Variants in XPNPEP3 observed in about 807,000 individuals in gnomAD.
XPNPEP3 encodes the protein xaa-Pro aminopeptidase 3.
Under a neutral mutation model 60.0 loss-of-function variants are expected in XPNPEP3, and 41 were observed. The observed-to-expected ratio is 0.68, with a 90% confidence interval of 0.53 to 0.89. XPNPEP3 has a LOEUF of 0.89. Among genes scored for constraint, XPNPEP3 ranks in the 40% least tolerant of loss-of-function variants. The pLI is 0.00. For missense variants in XPNPEP3, 598 were observed against 638.9 expected (o/e 0.94, Z 0.69); for synonymous variants, 212 against 223.2 (o/e 0.95, Z 0.45).
chr22:40,906,251 A>C (rs1182519303), intron 4 of XPNPEP3, among the ~76,000 whole-genome samples: 1 of 151,902 alleles, frequency 6.6e-6, no homozygotes, highest in Non-Finnish European at 1.5e-5. Flanking sequence ...AAAACATTAA[A>C]AATTATGAAA....
chr22:40,864,318 G>T (rs943857289), intron 1 of XPNPEP3, among the ~76,000 whole-genome samples: 1 of 152,204 alleles, frequency 6.6e-6, no homozygotes, highest in African/African-American at 2.4e-5. Context: ...CTTAGTTTTA[G>T]TGGGGTTTGG....
intron 2 of XPNPEP3, among the ~76,000 whole-genome samples, chr22:40,869,844 A>G (rs956250534): frequency 6.6e-6 from 1 of 152,246 alleles, no homozygotes; most frequent in South Asian, 2.1e-4. Flanking sequence ...AAGCAAACAC[A>G]TTGTAGAAAA....
chr22:40,902,235 A>G (rs941098296), intron 4 of XPNPEP3, among the ~76,000 whole-genome samples: 6 of 105,934 alleles, frequency 5.7e-5, no homozygotes, highest in African/African-American at 1.1e-4. Flanking sequence ...GCCTGCCACC[A>G]TGCCTGGCTA....
intron 2 of XPNPEP3, among the ~76,000 whole-genome samples, chr22:40,875,803 G>T (rs539024354): frequency 1.3e-5 from 2 of 151,228 alleles, no homozygotes; most frequent in East Asian, 3.9e-4. Flanking sequence ...TGCTTGAGGC[G>T]TGGAGTTTGA....
intron 4 of XPNPEP3, among the ~76,000 whole-genome samples, chr22:40,900,397 G>A (rs182135813): frequency 1.3e-5 from 2 of 151,530 alleles, no homozygotes; most frequent in East Asian, 3.9e-4. Context: ...CTGAAGTCAG[G>A]AGTTCAAGAC....
At chr22:40,862,138 T>C in intron 1 of XPNPEP3, 1 of 1,459,658 alleles carries the variant, frequency 6.9e-7, no homozygotes, top group African/African-American at 1.4e-5. Context: ...TACCATGTGC[T>C]AAGAGATGAG....
At position 40,906,179 on chromosome 22, in the gene XPNPEP3, G is replaced by A. The variant is rs370035384; in HGVS notation, c.793-1408G>A. 2.0e-4 allele frequency among the ~76,000 whole-genome samples: 30 copies of A among 152,168 alleles called. No individual in the cohort carries two copies. In the East Asian group the frequency reaches 4.4e-3, roughly 23 times the overall value. ...TGGTCTCGAGCTCCTGAGCTCAAGC[G>A]ATCCTCTCATCTCAGCGTCCTGAAG... On this transcript the variant is annotated intron_variant, in intron 4 of 9. Coordinates refer to ENST00000357137, the MANE Select transcript of XPNPEP3 (RefSeq NM_022098.4).
chr22:40,876,649 CAT>C, intron 2 of XPNPEP3, among the ~76,000 whole-genome samples: 1 of 151,206 alleles, frequency 6.6e-6, no homozygotes, highest in East Asian at 1.9e-4. Flanking sequence ...CTATGCCAAA[CAT>C]AATACCTGTG....
At chr22:40,918,048 C>T (rs2058203022) in intron 7 of XPNPEP3, among the ~76,000 whole-genome samples, 1 of 147,942 alleles carries the variant, frequency 6.8e-6, no homozygotes, top group South Asian at 2.2e-4. Flanking sequence ...TAACAGTACA[C>T]ACAAATAAAA....
chr22:40,881,199 C>A (rs1391284764), intron 2 of XPNPEP3, among the ~76,000 whole-genome samples: 1 of 151,998 alleles, frequency 6.6e-6, no homozygotes, highest in East Asian at 1.9e-4. Flanking sequence ...GCATGCACCA[C>A]CACACATGGC....
rs770631303 is a variant in XPNPEP3 at position 40,861,189 on chromosome 22, C to T, written c.64+3944C>T. 2 of 1,614,054 alleles carry T rather than the reference C, an allele frequency of 1.2e-6. No individual in the cohort carries two copies. The highest frequency in any genetic ancestry group is 1.7e-6 in the Non-Finnish European group (2 of 1,180,014). Reference sequence around the variant, plus strand: ...TCTGTTGCTGGTAACCCAAGATATACCTCCCTCATCATTGTCCACGAAAGT... The same window carrying T: ...TCTGTTGCTGGTAACCCAAGATATATCTCCCTCATCATTGTCCACGAAAGT... On this transcript the variant is annotated intron_variant, in intron 1 of 9. Coordinates refer to ENST00000357137, the MANE Select transcript of XPNPEP3 (RefSeq NM_022098.4).
At chr22:40,897,771 A>G (rs968542394) in intron 4 of XPNPEP3, among the ~76,000 whole-genome samples, 1 of 152,170 alleles carries the variant, frequency 6.6e-6, no homozygotes, top group Non-Finnish European at 1.5e-5. Context: ...CCTTTTGAGT[A>G]CTAGCCATCT....
chr22:40,900,449 A>G (rs1415043455), intron 4 of XPNPEP3, among the ~76,000 whole-genome samples: 1 of 151,972 alleles, frequency 6.6e-6, no homozygotes, highest in African/African-American at 2.4e-5. Flanking sequence ...TATTAAAAAT[A>G]CAAAAAATTA....
intron 6 of XPNPEP3, among the ~76,000 whole-genome samples, chr22:40,911,188 T>C (rs1297116193): frequency 6.6e-6 from 1 of 152,106 alleles, no homozygotes; most frequent in Admixed American, 6.6e-5. Flanking sequence ...CTTTGTGCTC[T>C]TAATTTTTAT....
At chr22:40,893,505 C>CA (rs764114832) in intron 4 of XPNPEP3, among the ~76,000 whole-genome samples, 2,668 of 39,032 alleles carry the variant, frequency 0.068, 147 homozygotes, top group African/African-American at 0.15. Context: ...AACTCTATCT[C>CA]AAAAAAAAAA....
chr22:40,874,903 T>C (rs2058021883), intron 2 of XPNPEP3, among the ~76,000 whole-genome samples: 1 of 152,190 alleles, frequency 6.6e-6, no homozygotes, highest in Non-Finnish European at 1.5e-5. Flanking sequence ...TGTAGTCTCA[T>C]CCCCAGTCAC....
chr22:40,901,857 A>C (rs531478178), intron 4 of XPNPEP3, among the ~76,000 whole-genome samples: 1 of 152,236 alleles, frequency 6.6e-6, no homozygotes, highest in East Asian at 1.9e-4. Context: ...GTGAGAGGAG[A>C]ATGGGAATTA....
chr22:40,865,878 C>T (rs1024674506), intron 1 of XPNPEP3, among the ~76,000 whole-genome samples: 1 of 152,164 alleles, frequency 6.6e-6, no homozygotes, highest in African/African-American at 2.4e-5. Context: ...CTCCTGTGCT[C>T]TTTCTCACAC....
chr22:40,857,391 C>T (rs1466380317), intron 1 of XPNPEP3, 146 bp downstream of exon 1: 7 of 928,454 alleles, frequency 7.5e-6, no homozygotes, highest in Middle Eastern at 2.1e-4. Context: ...TCTTCTATAC[C>T]GGCTGCTCCT....
Sources: allele counts gnomAD v4.1 joint callset (sites outside exome capture counted in the v4.1 genomes callset), GRCh38; gene constraint gnomAD v4.1.1; transcripts MANE v1.5; gene names NCBI Gene and HGNC (gene_info 2026-07-23, HGNC 2026-07-21).